FGFRL1: variants seen among roughly 807,000 people sequenced by gnomAD.
FGFRL1 encodes fibroblast growth factor receptor-like 1.
FGFRL1 carries 24 observed loss-of-function variants against 36.8 expected under a neutral mutation model. The observed-to-expected ratio is 0.65, with a 90% CI of 0.47 to 0.92. The LOEUF (loss-of-function observed/expected upper bound fraction) is 0.92, where lower values mean the gene tolerates loss of function less well. Ranked by LOEUF, FGFRL1 falls within the 40% of genes least tolerant of loss-of-function variation. FGFRL1 has a pLI of 0.00. For missense variants in FGFRL1, 785 were observed against 753.4 expected, an observed-to-expected ratio of 1.04 and a Z score of -0.49; for synonymous variants, 422 against 344.1, an observed-to-expected ratio of 1.23 and a Z score of -2.50.
rs755346435 is a variant in FGFRL1, at chr4:1,025,670, T to C, written c.*323T>C. The C allele has an allele frequency of 2.3e-5, 10 of 436,066 alleles. No individual in the cohort carries two copies. Among genetic ancestry groups the C allele is most frequent in the Middle Eastern group, 6.0e-4 (1 of 1,674 alleles). The allele number at this position is 436,066 out of a possible 1,614,324, so 27.0% of individuals were successfully genotyped here. A position where few individuals can be genotyped will look rare whatever the true frequency, so the allele number is the denominator to read the frequency against. On this transcript the variant is annotated 3_prime_UTR_variant, in exon 7 of 7. Transcript: ENST00000510644. ...ACACGCACAGAGACATGCCAGAACA[T>C]ACAAGGACATGCTGCCTGAACATAC...
At position 1,025,840 on chromosome 4, in the gene FGFRL1, A is replaced by G; in HGVS notation, c.*493A>G. 1 of 189,768 alleles carries G rather than the reference A, an allele frequency of 5.3e-6. No individual in the cohort carries two copies. Among genetic ancestry groups the G allele is most frequent in the Non-Finnish European group, 1.1e-5 (1 of 92,428 alleles). 11.8% of individuals were successfully genotyped at this position (189,768 alleles called of 1,614,324 possible). On this transcript the variant is annotated 3_prime_UTR_variant, in exon 7 of 7. Coordinates refer to ENST00000510644, the MANE Select transcript of FGFRL1 (RefSeq NM_001004356.3). The stretch of plus-strand genomic sequence containing the variant: ...TGGACACACAGATAATGCTGCCTTG[A>G]CACACACATGCACGGATATTGCCTG...
At position 1,025,453 on chromosome 4, in the gene FGFRL1, A is replaced by C; in HGVS notation, c.*106A>C. The C allele has an allele frequency of 7.3e-7, 1 of 1,363,508 alleles. No homozygotes were observed. Among genetic ancestry groups the C allele is most frequent in the Middle Eastern group, 1.9e-4 (1 of 5,350 alleles). 84.5% of individuals were successfully genotyped at this position (1,363,508 alleles called of 1,614,324 possible). On this transcript the variant is annotated 3_prime_UTR_variant, in exon 7 of 7. Coordinates refer to ENST00000510644, the MANE Select transcript of FGFRL1 (RefSeq NM_001004356.3). ...AGGCAGGGGACCCATGGCGAGGAGG[A>C]ATGGCCAGCACCCCAGGCAGTCTGT...
At chr4:1,011,160 A>G (rs1715557652), upstream of FGFRL1, 1 of 152,056 alleles carries the variant, frequency 6.6e-6, no homozygotes, top group Non-Finnish European at 1.5e-5. Context: ...CCCCCTTCTG[A>G]GCAACCAGAG....
At chr4:1,019,222 C>G (rs1396650417) in intron 2 of FGFRL1, among the ~76,000 whole-genome samples, 1 of 152,230 alleles carries the variant, frequency 6.6e-6, no homozygotes, top group Non-Finnish European at 1.5e-5. Context: ...CTTTCAGCCT[C>G]TGAGGTGGGC....
intron 1 of FGFRL1, chr4:1,012,251 G>A: frequency 2.0e-6 from 1 of 503,138 alleles, no homozygotes; most frequent in Non-Finnish European, 3.5e-6. Context: ...GACGGTGTTT[G>A]GAGAGGGGGG....
chr4:1,013,441 C>T (rs1457068058), intron 2 of FGFRL1, among the ~76,000 whole-genome samples: 4 of 152,258 alleles, frequency 2.6e-5, no homozygotes, highest in Non-Finnish European at 4.4e-5. Flanking sequence ...TGCCGCCCAG[C>T]AAGCGCGCCG....
intron 2 of FGFRL1, among the ~76,000 whole-genome samples, chr4:1,016,753 G>A (rs1203381484): frequency 6.6e-6 from 1 of 152,184 alleles, no homozygotes; most frequent in Non-Finnish European, 1.5e-5. Context: ...ACATGTATGT[G>A]CCTGAGCGTC....
chr4:1,017,203 G>C (rs1003403231), intron 2 of FGFRL1, among the ~76,000 whole-genome samples: 1 of 152,172 alleles, frequency 6.6e-6, no homozygotes, highest in African/African-American at 2.4e-5. Flanking sequence ...GGTCAGGCCA[G>C]AGAATTCCTC....
chr4:1,015,438 A>G (rs959611803), intron 2 of FGFRL1, among the ~76,000 whole-genome samples: 1 of 152,174 alleles, frequency 6.6e-6, no homozygotes, highest in African/African-American at 2.4e-5. Context: ...CCGCAGCCCC[A>G]GAGCCATGAT....
At chr4:1,016,566 C>T (rs1429453355) in intron 2 of FGFRL1, among the ~76,000 whole-genome samples, 2 of 152,024 alleles carry the variant, frequency 1.3e-5, no homozygotes, top group African/African-American at 2.4e-5. Context: ...CGAATGCTTC[C>T]AGGGCTGGGC....
At chr4:1,024,724 G>A (rs1417349218) in intron 6 of FGFRL1, 60 bp downstream of exon 6, 15 of 1,506,362 alleles carry the variant, frequency 1.0e-5, no homozygotes, top group South Asian at 8.8e-5. Flanking sequence ...CCCTGGGCCC[G>A]GCGTCCCACC....
Position 1,012,548 on chromosome 4 carries a change from G to T in FGFRL1, c.63G>T (p.Pro21=). 1 of 1,465,692 alleles carries T rather than the reference G, an allele frequency of 6.8e-7. No homozygotes were observed. The highest frequency in any genetic ancestry group is 1.7e-4 in the Middle Eastern group (1 of 5,722). The allele number at this position is 1,465,692 out of a possible 1,614,324, so 90.8% of individuals were successfully genotyped here. A position where few individuals can be genotyped will look rare whatever the true frequency, so the allele number is the denominator to read the frequency against. The change falls in exon 2 of 7, where the codon CCG becomes CCT. Residue 21 remains proline, a synonymous_variant. Coordinates refer to ENST00000510644, the MANE Select transcript of FGFRL1 (RefSeq NM_001004356.3). ...CGCTGCTGCTGGGGGCCTTCCCGCCGGCCGCCGCCGCCCGAGGTGAGTTCT... is the reference window on the plus strand; with the variant it reads ...CGCTGCTGCTGGGGGCCTTCCCGCCTGCCGCCGCCGCCCGAGGTGAGTTCT... ...LPPLLLGAFP[P]AAAARGPPKM...
chr4:1,016,535 T>TGGG (rs1169606353), intron 2 of FGFRL1, among the ~76,000 whole-genome samples: 1 of 152,066 alleles, frequency 6.6e-6, no homozygotes, highest in African/African-American at 2.4e-5. Context: ...GCCCTGGGGC[T>TGGG]GGGGTTGCAG....
At chr4:1,013,057 C>G (rs1487215121) in intron 2 of FGFRL1, among the ~76,000 whole-genome samples, 1 of 152,228 alleles carries the variant, frequency 6.6e-6, no homozygotes, top group Admixed American at 6.5e-5. Context: ...CCCAGCCGAC[C>G]TAGCCGTGTG....
intron 2 of FGFRL1, 69 bp from the exon 3 acceptor site, chr4:1,022,134 T>G: frequency 7.9e-7 from 1 of 1,270,834 alleles, no homozygotes; most frequent in South Asian, 1.6e-5. Context: ...GTGGGTCCCC[T>G]TTTGACCGCC....
Position 1,026,810 on chromosome 4 carries a change from A to G in FGFRL1, c.*1463A>G. Reference sequence around the variant, plus strand: ...CCCACCCCACTGTCGTGGTGGCCCCAGATCTCTGTAATTTTATGTAGAGTT... The same window carrying G: ...CCCACCCCACTGTCGTGGTGGCCCCGGATCTCTGTAATTTTATGTAGAGTT... On this transcript the variant is annotated 3_prime_UTR_variant, in exon 7 of 7. Coordinates refer to ENST00000510644, the MANE Select transcript of FGFRL1 (RefSeq NM_001004356.3). 2.2e-6 allele frequency: 1 copy of G among 455,156 alleles called. No individual in the cohort carries two copies. The allele number at this position is 455,156 out of a possible 1,614,324, so 28.2% of individuals were successfully genotyped here.
rs1271395396 is a variant in FGFRL1, at chr4:1,025,930, T to C, written c.*583T>C. On this transcript the variant is annotated 3_prime_UTR_variant, in exon 7 of 7. Coordinates refer to ENST00000510644, the MANE Select transcript of FGFRL1 (RefSeq NM_001004356.3). ...GACACGCACACACATGCAGATATGC[T>C]GCCTGGACACACACTTCCAGACACA... 1 of 162,326 alleles carries C rather than the reference T, an allele frequency of 6.2e-6. No homozygotes were observed. The highest frequency in any genetic ancestry group is 1.3e-5 in the Non-Finnish European group (1 of 75,394). 10.1% of individuals were successfully genotyped at this position (162,326 alleles called of 1,614,324 possible).
rs1716493019 is a variant in FGFRL1, at chr4:1,025,809, G to A, written c.*462G>A. The stretch of plus-strand genomic sequence containing the variant: ...TCCGGACACACACGTGCACAGATAT[G>A]CTGCCTGGACACACAGATAATGCTG... On this transcript the variant is annotated 3_prime_UTR_variant, in exon 7 of 7. Coordinates refer to ENST00000510644, the MANE Select transcript of FGFRL1 (RefSeq NM_001004356.3). 4.9e-6 allele frequency: 1 copy of A among 204,350 alleles called. No individual in the cohort carries two copies. Among genetic ancestry groups the A allele is most frequent in the Non-Finnish European group, 9.8e-6 (1 of 101,684 alleles). The allele number at this position is 204,350 out of a possible 1,614,324, so 12.7% of individuals were successfully genotyped here.
intron 2 of FGFRL1, among the ~76,000 whole-genome samples, chr4:1,020,630 GAGGCAGGGGATGGGGTGGGGACCC>G (rs1230598910): frequency 1.0e-4 from 10 of 96,888 alleles, no homozygotes; most frequent in African/African-American, 2.4e-4. Flanking sequence ...GGTGGGGACT[GAGGCAGGGGATGGGGTGGGGACCC>G]AGGCAGGGGA....
Sources: gnomAD v4.1 joint callset for allele counts (sites outside exome capture counted in the v4.1 genomes callset) on GRCh38, gnomAD v4.1.1 for gene constraint, MANE v1.5 for transcripts, NCBI Gene and HGNC (gene_info 2026-07-23, HGNC 2026-07-21) for gene names.